MAP2K1: variants seen among roughly 807,000 people sequenced by gnomAD.
The protein encoded by MAP2K1 is mitogen-activated protein kinase kinase 1.
In MAP2K1, 16 loss-of-function variants were observed where a neutral mutation model predicts 46.3. The ratio of observed to expected loss-of-function variants is 0.35; its 90% CI spans 0.23 to 0.52. The LOEUF (loss-of-function observed/expected upper bound fraction) is 0.52, where lower values mean the gene tolerates loss of function less well. Among genes scored for constraint, MAP2K1 ranks in the 20% least tolerant of loss-of-function variants. The probability of loss-of-function intolerance (pLI) is 0.94; values close to 1 mark genes in which losing one functional copy is unlikely to be tolerated. For missense variants in MAP2K1, 263 were observed against 497.1 expected (o/e 0.53, Z 4.48); for synonymous variants, 183 against 185.6 (o/e 0.99, Z 0.11).
At chr15:66,489,927 A>G in intron 10 of MAP2K1, 164 bp downstream of exon 10, 1 of 732,766 alleles carries the variant, frequency 1.4e-6, no homozygotes, top group Non-Finnish European at 2.5e-6. Context: ...TTGCTCTCCC[A>G]TCAGTTTAAG....
At position 66,444,402 on chromosome 15, in the gene MAP2K1, G is replaced by A. The variant is rs186587510; in HGVS notation, c.517-254G>A. ...TACAAAATTAGCCGGGGGTGGTAGC[G>A]CATGCCCGTAATCCCAGCTACTCAG... On this transcript the variant is annotated intron_variant, in intron 4 of 10. Coordinates refer to ENST00000307102, the MANE Select transcript of MAP2K1 (RefSeq NM_002755.4). Among the ~76,000 whole-genome samples, 444 of 151,714 alleles carry A rather than the reference G, an allele frequency of 2.9e-3. 2 individuals are homozygous for A. Among genetic ancestry groups the A allele is most frequent in the South Asian group, 0.025 (119 of 4,808 alleles).
intron 1 of MAP2K1, among the ~76,000 whole-genome samples, chr15:66,432,125 A>G (rs998660519): frequency 2.6e-5 from 4 of 152,192 alleles, no homozygotes; most frequent in Non-Finnish European, 5.9e-5. Flanking sequence ...CAGCTGGTTG[A>G]TGAACAATTT....
chr15:66,455,811 G>A (rs544095551), intron 5 of MAP2K1, among the ~76,000 whole-genome samples: 2 of 152,322 alleles, frequency 1.3e-5, no homozygotes, highest in South Asian at 2.1e-4. Context: ...TCCCAGTGCC[G>A]AAGCTCTGGC....
chr15:66,475,698 A>C (rs1029193957), intron 5 of MAP2K1, among the ~76,000 whole-genome samples: 8 of 152,224 alleles, frequency 5.3e-5, no homozygotes. Flanking sequence ...TCAGGCTATC[A>C]TCTGATGGGT....
At chr15:66,435,385 T>C in intron 2 of MAP2K1, 148 bp downstream of exon 2, 1 of 662,850 alleles carries the variant, frequency 1.5e-6, no homozygotes, top group Non-Finnish European at 2.6e-6. Flanking sequence ...GTTTCATTCT[T>C]GTTGCCCAGG....
At chr15:66,410,639 C>T (rs1278177318) in intron 1 of MAP2K1, among the ~76,000 whole-genome samples, 2 of 152,140 alleles carry the variant, frequency 1.3e-5, no homozygotes, top group African/African-American at 4.8e-5. Flanking sequence ...TCTCATTTGT[C>T]AAAGAAGTTC....
At chr15:66,478,594 G>A (rs1892838376) in intron 5 of MAP2K1, among the ~76,000 whole-genome samples, 1 of 151,172 alleles carries the variant, frequency 6.6e-6, no homozygotes, top group Non-Finnish European at 1.5e-5. Context: ...TACCTCCCGG[G>A]TTCAAGCAAT....
intron 1 of MAP2K1, among the ~76,000 whole-genome samples, chr15:66,419,242 G>A (rs553287496): frequency 6.6e-6 from 1 of 151,966 alleles, no homozygotes; most frequent in East Asian, 1.9e-4. Context: ...TTATCTGGCT[G>A]GGCGCGGTGG....
At chr15:66,430,335 C>T (rs2093472168) in intron 1 of MAP2K1, among the ~76,000 whole-genome samples, 1 of 152,176 alleles carries the variant, frequency 6.6e-6, no homozygotes, top group Non-Finnish European at 1.5e-5. Context: ...TCCTCTCCTT[C>T]CTACAGTGAT....
intron 5 of MAP2K1, among the ~76,000 whole-genome samples, chr15:66,478,521 CA>C (rs71455511): frequency 0.063 from 8,103 of 128,900 alleles, 329 homozygotes; most frequent in Middle Eastern, 0.13. Flanking sequence ...TTTTTTGAGA[CA>C]AGAGTGTCAC....
intron 6 of MAP2K1, among the ~76,000 whole-genome samples, chr15:66,482,708 G>A (rs1363564160): frequency 6.6e-6 from 1 of 152,204 alleles, no homozygotes; most frequent in Non-Finnish European, 1.5e-5. Context: ...AGGTGTTCAG[G>A]GAATGCTTGG....
At chr15:66,397,839 C>T (rs1359423683) in intron 1 of MAP2K1, among the ~76,000 whole-genome samples, 1 of 152,230 alleles carries the variant, frequency 6.6e-6, no homozygotes, top group Non-Finnish European at 1.5e-5. Flanking sequence ...TGCGGTGGCT[C>T]ACGCCTGTAA....
chr15:66,479,702 C>T (rs1189615794), intron 5 of MAP2K1, among the ~76,000 whole-genome samples: 2 of 152,030 alleles, frequency 1.3e-5, no homozygotes, highest in Non-Finnish European at 1.5e-5. Flanking sequence ...GAGCACCTGC[C>T]CTCTGTCAGA....
chr15:66,439,967 G>C (rs1323890432), intron 3 of MAP2K1, among the ~76,000 whole-genome samples: 1 of 151,758 alleles, frequency 6.6e-6, no homozygotes, highest in Non-Finnish European at 1.5e-5. Context: ...TAGCATGCAG[G>C]AAAACCTGAA....
chr15:66,468,442 G>A (rs35947549), intron 5 of MAP2K1, among the ~76,000 whole-genome samples: 1 of 152,102 alleles, frequency 6.6e-6, no homozygotes, highest in South Asian at 2.1e-4. Context: ...GAAAAGTCTG[G>A]TGGTGCTAGA....
At chr15:66,418,556 G>A (rs4489951) in intron 1 of MAP2K1, among the ~76,000 whole-genome samples, 128,797 of 152,174 alleles carry the variant, frequency 0.85, 55,776 homozygotes, top group East Asian at 1. Context: ...TGTCCAGTAC[G>A]TCATCTTTCT....
chr15:66,424,897 A>G (rs1341511295), intron 1 of MAP2K1, among the ~76,000 whole-genome samples: 2 of 146,536 alleles, frequency 1.4e-5, no homozygotes, highest in African/African-American at 5.1e-5. Context: ...TCCTGGGTTC[A>G]AGCGATTCTC....
At chr15:66,394,491 G>A (rs12900744) in intron 1 of MAP2K1, among the ~76,000 whole-genome samples, 7,730 of 147,386 alleles carry the variant, frequency 0.052, 304 homozygotes, top group Middle Eastern at 0.11. Context: ...GAGAGACAGG[G>A]TCTTGCTCAG....
chr15:66,441,469 G>A (rs1280074801), intron 3 of MAP2K1, among the ~76,000 whole-genome samples: 1 of 151,582 alleles, frequency 6.6e-6, no homozygotes, highest in Admixed American at 6.6e-5. Flanking sequence ...CCATGAGTTC[G>A]AGACCAGCCT....
Sources: allele counts gnomAD v4.1 joint callset (sites outside exome capture counted in the v4.1 genomes callset), GRCh38; gene constraint gnomAD v4.1.1; transcripts MANE v1.5; gene names NCBI Gene and HGNC (gene_info 2026-07-23, HGNC 2026-07-21).